OSBPL3: variants seen among roughly 807,000 people sequenced by gnomAD.
OSBPL3 encodes the protein oxysterol-binding protein-related protein 3.
Under a neutral mutation model 120.1 loss-of-function variants are expected in OSBPL3, and 65 were observed. The observed-to-expected ratio is 0.54, with a 90% confidence interval of 0.44 to 0.67. OSBPL3 has a LOEUF of 0.67. Ranked by LOEUF, OSBPL3 falls within the 30% of genes least tolerant of loss-of-function variation. The probability of loss-of-function intolerance (pLI) is 0.00; values close to 1 mark genes in which losing one functional copy is unlikely to be tolerated. For synonymous variants in OSBPL3, 416 were observed against 402.6 expected, an observed-to-expected ratio of 1.03 and a Z score of -0.40; for missense variants, 1,004 against 1,082.1, an observed-to-expected ratio of 0.93 and a Z score of 1.01.
At chr7:24,949,032 A>G (rs1814073007) in intron 1 of OSBPL3, among the ~76,000 whole-genome samples, 1 of 152,196 alleles carries the variant, frequency 6.6e-6, no homozygotes, top group African/African-American at 2.4e-5. Context: ...TTTCCTTTGT[A>G]AACTGTGTCA....
intron 1 of OSBPL3, among the ~76,000 whole-genome samples, chr7:24,978,469 A>G (rs1415284972): frequency 2.6e-5 from 4 of 152,160 alleles, no homozygotes; most frequent in African/African-American, 7.2e-5. Context: ...CAAAGAGACA[A>G]TTTCAGAGAG....
rs116755090 is a variant in OSBPL3, at chr7:24,816,265, C to T, written c.2027+345G>A. Among the ~76,000 whole-genome samples, 1,186 of 152,218 alleles carry T rather than the reference C, an allele frequency of 7.8e-3. 22 individuals are homozygous for T. The highest frequency in any genetic ancestry group is 0.027 in the African/African-American group (1,119 of 41,546). Reference sequence around the variant, plus strand: ...CTGGTCTCAAACTCCTGGACTTAAGCAATCTGCCCGCCTTGGCCTCCCAAA... The same window carrying T: ...CTGGTCTCAAACTCCTGGACTTAAGTAATCTGCCCGCCTTGGCCTCCCAAA... On this transcript the variant is annotated intron_variant, in intron 18 of 22. Transcript: ENST00000313367.
Position 24,828,633 on chromosome 7 carries a change from A to AAAAAAAAAAAAAAG in OSBPL3, c.1884+2134_1884+2135insCTTTTTTTTTTTTT, listed in dbSNP as rs1554349993. Among the ~76,000 whole-genome samples the AAAAAAAAAAAAAAG allele has an allele frequency of 2.7e-4, 37 of 134,622 alleles. 1 individual carries two copies. Among genetic ancestry groups the AAAAAAAAAAAAAAG allele is most frequent in the Non-Finnish European group, 4.8e-4 (29 of 60,578 alleles). 88.3% of individuals were successfully genotyped at this position (134,622 alleles called of 152,430 possible). On this transcript the variant is annotated intron_variant, in intron 16 of 22. Transcript: ENST00000313367. ...AAAAAAAAAAAAAAGAAAAAAAAAA[A>AAAAAAAAAAAAAAG]AAAGGCATCGTAGAAGTTCCCACTA...
chr7:24,963,466 C>A (rs1198301868), intron 1 of OSBPL3, among the ~76,000 whole-genome samples: 3 of 152,194 alleles, frequency 2.0e-5, no homozygotes, highest in Non-Finnish European at 4.4e-5. Context: ...ATGGCAGCCT[C>A]CACCAAGAAT....
Position 24,898,834 on chromosome 7 carries a change from A to G in OSBPL3, c.-149-6213T>C, listed in dbSNP as rs1364731622. Among the ~76,000 whole-genome samples the G allele has an allele frequency of 6.6e-6, 1 of 152,170 alleles. No individual in the cohort carries two copies. Among genetic ancestry groups the G allele is most frequent in the African/African-American group, 2.4e-5 (1 of 41,438 alleles). On this transcript the variant is annotated intron_variant, in intron 1 of 22. Coordinates refer to ENST00000313367, the MANE Select transcript of OSBPL3 (RefSeq NM_015550.4). The surrounding 1 kb of genome is among the most constrained non-coding windows in gnomAD (Gnocchi z 4.3). ...ACAAAGCAAGAACTCCCTCTATAAC[A>G]TGGCTAGATCATCACTGCTTGACCA...
intron 1 of OSBPL3, among the ~76,000 whole-genome samples, chr7:24,948,897 TCAA>T (rs976529998): frequency 1.3e-5 from 2 of 152,242 alleles, no homozygotes; most frequent in African/African-American, 4.8e-5. Flanking sequence ...CTGCTCCTAG[TCAA>T]CAGAAACAGA....
intron 14 of OSBPL3, among the ~76,000 whole-genome samples, chr7:24,839,775 C>T (rs1039129455): frequency 2.0e-5 from 3 of 151,862 alleles, no homozygotes; most frequent in Non-Finnish European, 2.9e-5. Flanking sequence ...GATCACTTGA[C>T]GTCAGGAGTT....
At chr7:24,924,866 C>T (rs75781610) in intron 1 of OSBPL3, among the ~76,000 whole-genome samples, 1,937 of 152,234 alleles carry the variant, frequency 0.013, 39 homozygotes, top group African/African-American at 0.044. Context: ...ACATTTGTCC[C>T]GGCTCAGGTG....
chr7:24,962,796 T>C (rs1017870739), intron 1 of OSBPL3, among the ~76,000 whole-genome samples: 1 of 152,206 alleles, frequency 6.6e-6, no homozygotes, highest in Admixed American at 6.5e-5. Context: ...TTTAGCAACA[T>C]AAGCCAATAA....
intron 1 of OSBPL3, among the ~76,000 whole-genome samples, chr7:24,969,281 A>G (rs1204255082): frequency 1.3e-5 from 2 of 152,238 alleles, no homozygotes; most frequent in African/African-American, 4.8e-5. Context: ...AGTCATCTGT[A>G]TGCCATTTCG....
Position 24,968,372 on chromosome 7 carries a change from C to T in OSBPL3, c.-150+11514G>A, listed in dbSNP as rs1308318615. On this transcript the variant is annotated intron_variant, in intron 1 of 22. Transcript: ENST00000313367. This position sits in a 1 kb window ranked among gnomAD's most constrained non-coding sequence, Gnocchi z 4.6. ...TCACGCACAGTTGGTTCCCACATGC[C>T]GGTGTAAACTGGCTTCAGCACACCA... Among the ~76,000 whole-genome samples, 2 of 152,124 alleles carry T rather than the reference C, an allele frequency of 1.3e-5. No individual in the cohort carries two copies. Among genetic ancestry groups the T allele is most frequent in the Non-Finnish European group, 2.9e-5 (2 of 68,014 alleles).
rs894931606 is a variant in OSBPL3, at chr7:24,922,985, T to C, written c.-149-30364A>G. Reference sequence around the variant, plus strand: ...AAAGAATAAGAAAAAGAAAAAAACATATAAACATGACCATCAGAGATACTC... The same window carrying C: ...AAAGAATAAGAAAAAGAAAAAAACACATAAACATGACCATCAGAGATACTC... On this transcript the variant is annotated intron_variant, in intron 1 of 22. Transcript: ENST00000313367. The surrounding 1 kb of genome is among the most constrained non-coding windows in gnomAD (Gnocchi z 4.3). 6.6e-6 allele frequency among the ~76,000 whole-genome samples: 1 copy of C among 152,116 alleles called. No individual in the cohort carries two copies. The highest frequency in any genetic ancestry group is 1.5e-5 in the Non-Finnish European group (1 of 68,022).
rs1266895471 is a variant in OSBPL3, at chr7:24,872,091, T to C, written c.97-22A>G. 1.4e-6 allele frequency: 2 copies of C among 1,455,552 alleles called. No homozygotes were observed. Among genetic ancestry groups the C allele is most frequent in the Admixed American group, 1.7e-5 (1 of 59,410 alleles). The allele number at this position is 1,455,552 out of a possible 1,614,324, so 90.2% of individuals were successfully genotyped here. A position where few individuals can be genotyped will look rare whatever the true frequency, so the allele number is the denominator to read the frequency against. Reference sequence around the variant, plus strand: ...TGTCCTGTTCCAACAAAAGAGTTCATGTTAAATGTCTATCTTTTTGAAAAA... The same window carrying C: ...TGTCCTGTTCCAACAAAAGAGTTCACGTTAAATGTCTATCTTTTTGAAAAA... On this transcript the variant is annotated intron_variant, in intron 2 of 22. Transcript: ENST00000313367. This position sits in a 1 kb window ranked among gnomAD's most constrained non-coding sequence, Gnocchi z 4.1.
rs765725938 is a variant in OSBPL3 at position 24,892,365 on chromosome 7, G to C, written c.96+12C>G. ...CATTTGCATATTAAAATTTGCATGA[G>C]TTAAACTTTACCTGTCGACTTCCTT... On this transcript the variant is annotated intron_variant, in intron 2 of 22. Transcript: ENST00000313367. 1 of 1,612,040 alleles carries C rather than the reference G, an allele frequency of 6.2e-7. No individual in the cohort carries two copies. The highest frequency in any genetic ancestry group is 1.3e-5 in the African/African-American group (1 of 75,030).
intron 1 of OSBPL3, among the ~76,000 whole-genome samples, chr7:24,926,456 G>A (rs777135103): frequency 2.0e-5 from 3 of 152,140 alleles, no homozygotes; most frequent in Non-Finnish European, 4.4e-5. Context: ...AAATGCATAC[G>A]ATTGAGGACT....
At position 24,938,988 on chromosome 7, in the gene OSBPL3, G is replaced by T. The variant is rs1026366667; in HGVS notation, c.-150+40898C>A. Among the ~76,000 whole-genome samples, 2 of 152,040 alleles carry T rather than the reference G, an allele frequency of 1.3e-5. No homozygotes were observed. The highest frequency in any genetic ancestry group is 2.9e-5 in the Non-Finnish European group (2 of 67,992). ...AGAACAAATGAAACAGAGTGCAAGG[G>T]GTAGGAATCAGTGTAGAAATAAAGA... is the stretch of plus-strand genomic sequence containing the variant. On this transcript the variant is annotated intron_variant, in intron 1 of 22. Transcript: ENST00000313367. This position sits in a 1 kb window ranked among gnomAD's most constrained non-coding sequence, Gnocchi z 5.8.
At chr7:24,920,453 G>A (rs1810259284) in intron 1 of OSBPL3, among the ~76,000 whole-genome samples, 1 of 152,130 alleles carries the variant, frequency 6.6e-6, no homozygotes, top group African/African-American at 2.4e-5. Flanking sequence ...TATAGAGACA[G>A]AAAATAGAAA....
intron 12 of OSBPL3, among the ~76,000 whole-genome samples, chr7:24,847,824 C>T (rs1187333131): frequency 6.6e-6 from 1 of 152,184 alleles, no homozygotes; most frequent in East Asian, 1.9e-4. Flanking sequence ...TGTGCAGACT[C>T]AAAAGAGGGC....
In OSBPL3 at chr7:24,834,501, G is replaced by T. The variant is rs770899083; in HGVS notation, c.1731C>A (p.Ser577Arg). 11 of 1,611,320 alleles carry T rather than the reference G, an allele frequency of 6.8e-6. No individual in the cohort carries two copies. Among genetic ancestry groups the T allele is most frequent in the African/African-American group, 2.7e-5 (2 of 74,912 alleles). ...GACTCCTCACCATCCTTTCCAGGGGGCTGGGAATCTGCGCGGCCTTGTCCA... is the reference window on the plus strand; with the variant it reads ...GACTCCTCACCATCCTTTCCAGGGGTCTGGGAATCTGCGCGGCCTTGTCCA... ...ELLDKAAQIP[S>R]PLERMVYVAA... is the part of the protein sequence containing the mutation. The change falls in exon 15 of 23, where the codon AGC becomes AGA. Residue 577 changes from serine (S) to arginine (R), a missense_variant. Transcript: ENST00000313367. The surrounding 1 kb of genome is among the most constrained non-coding windows in gnomAD (Gnocchi z 5.2).
Sources: allele counts gnomAD v4.1 joint callset (sites outside exome capture counted in the v4.1 genomes callset), GRCh38; gene constraint gnomAD v4.1.1; non-coding constraint Gnocchi (gnomAD v3.1); transcripts MANE v1.5; gene names NCBI Gene and HGNC (gene_info 2026-07-23, HGNC 2026-07-21).